Variants in PCDHAC2 observed in about 807,000 individuals in gnomAD.
PCDHAC2 encodes the protein protocadherin alpha subfamily C, 2.
Under a neutral mutation model 63.3 loss-of-function variants are expected in PCDHAC2, and 24 were observed. The ratio of observed to expected loss-of-function variants is 0.38; its 90% CI spans 0.27 to 0.53. The LOEUF (loss-of-function observed/expected upper bound fraction) is 0.53, where lower values mean the gene tolerates loss of function less well. Ranked by LOEUF, PCDHAC2 falls within the 20% of genes least tolerant of loss-of-function variation. The pLI is 0.81. For synonymous variants in PCDHAC2, 569 were observed against 529.4 expected (o/e 1.07, Z -1.03); for missense variants, 1,181 against 1,275.2 (o/e 0.93, Z 1.12).
Position 140,967,774 on chromosome 5 carries a change from G to C in PCDHAC2, c.1008G>C (p.Gln336His), listed in dbSNP as rs1447955993. Reference sequence around the variant, plus strand: ...CCTCCTCCTACCAGATCTATGTGCAGGCGACTGACCGGGGTCCAGTGCCCA... The same window carrying C: ...CCTCCTCCTACCAGATCTATGTGCACGCGACTGACCGGGGTCCAGTGCCCA... Reference protein sequence around the residue: ...EEASSYQIYVQATDRGPVPMA... With the variant: ...EEASSYQIYVHATDRGPVPMA... The change falls in exon 1 of 4, where the codon CAG becomes CAC. Residue 336 changes from glutamine to histidine, a missense_variant. Transcript: ENST00000289269. 3 of 1,614,106 alleles carry C rather than the reference G, an allele frequency of 1.9e-6. No homozygotes were observed. Among genetic ancestry groups the C allele is most frequent in the Non-Finnish European group, 1.7e-6 (2 of 1,180,056 alleles).
Position 140,982,348 on chromosome 5 carries a change from T to C in PCDHAC2, c.2625-127T>C, listed in dbSNP as rs1253085859. 9 of 1,495,962 alleles carry C rather than the reference T, an allele frequency of 6.0e-6. No homozygotes were observed. The Admixed American group carries it at 1.7e-4, about 28-fold the overall frequency. 92.7% of individuals were successfully genotyped at this position (1,495,962 alleles called of 1,614,324 possible). On this transcript the variant is annotated intron_variant, in intron 2 of 3. Transcript: ENST00000289269. Reference sequence around the variant, plus strand: ...ACTGCTCAGCAGTAATTGCTTCAGTTCAAGCATGAGCAGAATGTGTTAGCT... The same window carrying C: ...ACTGCTCAGCAGTAATTGCTTCAGTCCAAGCATGAGCAGAATGTGTTAGCT...
intron 1 of PCDHAC2, 110 bp downstream of exon 1, chr5:140,969,441 G>T (rs1554231808): frequency 1.9e-6 from 3 of 1,543,640 alleles, no homozygotes; most frequent in Non-Finnish European, 2.6e-6. Flanking sequence ...GAGTTATCTG[G>T]TAAACTGAGT....
intron 3 of PCDHAC2, chr5:140,988,966 GGA>G (rs1339632887): frequency 2.0e-5 from 3 of 152,162 alleles, no homozygotes; most frequent in African/African-American, 7.2e-5. Flanking sequence ...GCCCCACGAT[GGA>G]GAGAAGCAGG....
Position 140,966,708 on chromosome 5 carries a change from C to G in PCDHAC2, c.-59C>G, listed in dbSNP as rs1033433543. 7.2e-7 allele frequency: 1 copy of G among 1,384,746 alleles called. No homozygotes were observed. Among genetic ancestry groups the G allele is most frequent in the Non-Finnish European group, 9.3e-7 (1 of 1,075,162 alleles). The allele number at this position is 1,384,746 out of a possible 1,614,324, so 85.8% of individuals were successfully genotyped here. On this transcript the variant is annotated 5_prime_UTR_variant, in exon 1 of 4. Transcript: ENST00000289269. ...GGAGGCGGGGCCCGGGCGTGGGGCACGGCTGGGGAAGCTGCCGCCTCCGGC... is the reference window on the plus strand; with the variant it reads ...GGAGGCGGGGCCCGGGCGTGGGGCAGGGCTGGGGAAGCTGCCGCCTCCGGC...
intron 1 of PCDHAC2, among the ~76,000 whole-genome samples, chr5:140,972,921 C>A (rs2096564401): frequency 6.6e-6 from 1 of 152,090 alleles, no homozygotes; most frequent in Non-Finnish European, 1.5e-5. Context: ...CTTGGCCTCC[C>A]AAAGTGCTGG....
In PCDHAC2 at chr5:141,011,713, T is replaced by G. The variant is rs1198989870; in HGVS notation, c.*1776T>G. 6.5e-6 allele frequency: 1 copy of G among 153,774 alleles called. No individual in the cohort carries two copies. The highest frequency in any genetic ancestry group is 1.5e-5 in the Non-Finnish European group (1 of 68,048). 9.5% of individuals were successfully genotyped at this position (153,774 alleles called of 1,614,324 possible). On this transcript the variant is annotated 3_prime_UTR_variant, in exon 4 of 4. Coordinates refer to ENST00000289269, the MANE Select transcript of PCDHAC2 (RefSeq NM_018899.6). Reference sequence around the variant, plus strand: ...ATTTTGGAATGAATACTGACAATATTCCATGAGGGTGTGCAAGCACAAATT... The same window carrying G: ...ATTTTGGAATGAATACTGACAATATGCCATGAGGGTGTGCAAGCACAAATT...
At chr5:141,004,179 G>A (rs2098156608) in intron 3 of PCDHAC2, among the ~76,000 whole-genome samples, 1 of 152,206 alleles carries the variant, frequency 6.6e-6, no homozygotes, top group Non-Finnish European at 1.5e-5. Flanking sequence ...CAAGTGTCTT[G>A]AGTGCTCTTA....
rs782495760 is a variant in PCDHAC2 at position 141,010,201 on chromosome 5, C to T, written c.*264C>T. Reference sequence around the variant, plus strand: ...GCAGACCCAAGTTTCCTTTCTCCTCCGCCGCAAAGGAGAGGCTTCCCAGCC... The same window carrying T: ...GCAGACCCAAGTTTCCTTTCTCCTCTGCCGCAAAGGAGAGGCTTCCCAGCC... On this transcript the variant is annotated 3_prime_UTR_variant, in exon 4 of 4. Coordinates refer to ENST00000289269, the MANE Select transcript of PCDHAC2 (RefSeq NM_018899.6). The T allele has an allele frequency of 1.3e-5, 20 of 1,552,034 alleles. No individual in the cohort carries two copies. The East Asian group carries it at 1.7e-4, about 13-fold the overall frequency.
At chr5:141,004,434 G>T (rs1383958111) in intron 3 of PCDHAC2, among the ~76,000 whole-genome samples, 2 of 152,186 alleles carry the variant, frequency 1.3e-5, no homozygotes, top group Non-Finnish European at 2.9e-5. Flanking sequence ...TGGAGTTTAG[G>T]CTGAGTCATA....
intron 1 of PCDHAC2, among the ~76,000 whole-genome samples, chr5:140,972,991 T>C (rs142551667): frequency 6.6e-6 from 1 of 152,222 alleles, no homozygotes; most frequent in Non-Finnish European, 1.5e-5. Context: ...GTAGATTCTG[T>C]GCATTTGTGG....
At chr5:140,994,157 G>A (rs958405989) in intron 3 of PCDHAC2, among the ~76,000 whole-genome samples, 1 of 152,198 alleles carries the variant, frequency 6.6e-6, no homozygotes, top group Non-Finnish European at 1.5e-5. Context: ...TAGGGTCAAC[G>A]AAGGGGAAGG....
Position 140,966,622 on chromosome 5 carries a change from G to C in PCDHAC2, c.-145G>C. On this transcript the variant is annotated 5_prime_UTR_variant, in exon 1 of 4. Coordinates refer to ENST00000289269, the MANE Select transcript of PCDHAC2 (RefSeq NM_018899.6). ...GCCCTTGGGAGGGCCTACGGAGGGAGCGGCCCCAGGCGCTTTCTAGAGCGT... is the reference window on the plus strand; with the variant it reads ...GCCCTTGGGAGGGCCTACGGAGGGACCGGCCCCAGGCGCTTTCTAGAGCGT... 1 of 854,486 alleles carries C rather than the reference G, an allele frequency of 1.2e-6. No homozygotes were observed. The highest frequency in any genetic ancestry group is 1.6e-6 in the Non-Finnish European group (1 of 608,418). The allele number at this position is 854,486 out of a possible 1,614,324, so 52.9% of individuals were successfully genotyped here.
intron 3 of PCDHAC2, among the ~76,000 whole-genome samples, chr5:141,006,559 T>C (rs2098278096): frequency 6.6e-6 from 1 of 152,134 alleles, no homozygotes; most frequent in East Asian, 1.9e-4. Flanking sequence ...TAAAGATGAC[T>C]CTGGCTACTG....
intron 3 of PCDHAC2, among the ~76,000 whole-genome samples, chr5:141,005,617 G>C (rs1419951778): frequency 6.7e-6 from 1 of 149,280 alleles, no homozygotes; most frequent in Non-Finnish European, 1.5e-5. Context: ...CAGGAGAATG[G>C]CGTGAACCCG....
In PCDHAC2 at chr5:141,010,341, T is replaced by C. The variant is rs199826290; in HGVS notation, c.*404T>C. ...GAGCAGCTTGGGAGTTTGTGGCCAC[T>C]GGGTATGTGTGGCTACCGCGGGTAT... is the stretch of plus-strand genomic sequence containing the variant. On this transcript the variant is annotated 3_prime_UTR_variant, in exon 4 of 4. Coordinates refer to ENST00000289269, the MANE Select transcript of PCDHAC2 (RefSeq NM_018899.6). 1 of 1,503,238 alleles carries C rather than the reference T, an allele frequency of 6.7e-7. No homozygotes were observed. The highest frequency in any genetic ancestry group is 8.9e-7 in the Non-Finnish European group (1 of 1,119,606). The allele number at this position is 1,503,238 out of a possible 1,614,324, so 93.1% of individuals were successfully genotyped here. A position where few individuals can be genotyped will look rare whatever the true frequency, so the allele number is the denominator to read the frequency against.
Position 140,968,660 on chromosome 5 carries a change from C to T in PCDHAC2, c.1894C>T (p.Leu632Phe). The T allele has an allele frequency of 6.2e-7, 1 of 1,614,166 alleles. No individual in the cohort carries two copies. Among genetic ancestry groups the T allele is most frequent in the Non-Finnish European group, 8.5e-7 (1 of 1,180,040 alleles). Residue 632 changes from leucine (L) to phenylalanine (F), a missense_variant, in exon 1 of 4, where the codon CTC (leucine) becomes TTC (phenylalanine). Around this residue, in one of 3 missense-constraint regions of PCDHAC2, gnomAD observed 968 missense variants for 1,073.5 expected, o/e 0.90. Coordinates refer to ENST00000289269, the MANE Select transcript of PCDHAC2 (RefSeq NM_018899.6). ...YHLAQTSDLD[L>F]FKVELHTGEI... The stretch of plus-strand genomic sequence containing the variant: ...TCTAGCCCAGACTTCTGACCTGGAC[C>T]TCTTTAAGGTAGAGCTGCACACAGG...
At chr5:140,981,630 A>G (rs1299640748) in intron 2 of PCDHAC2, among the ~76,000 whole-genome samples, 1 of 152,110 alleles carries the variant, frequency 6.6e-6, no homozygotes, top group East Asian at 1.9e-4. Flanking sequence ...GTTTTCTTGG[A>G]CATTTTCTCT....
Position 140,966,810 on chromosome 5 carries a change from G to A in PCDHAC2, c.44G>A (p.Arg15Gln), listed in dbSNP as rs1290992432. The A allele has an allele frequency of 3.9e-6, 6 of 1,548,566 alleles. No individual in the cohort carries two copies. Among genetic ancestry groups the A allele is most frequent in the African/African-American group, 1.4e-5 (1 of 73,440 alleles). The change falls in exon 1 of 4, where the codon CGG becomes CAG. Residue 15 changes from arginine (R) to glutamine (Q), a missense_variant. Coordinates refer to ENST00000289269, the MANE Select transcript of PCDHAC2 (RefSeq NM_018899.6). ...GTRPAATEHP[R>Q]LRRPMPWLLL... ...AGACCTGCGGCGACAGAGCATCCAC[G>A]GCTCCGGCGGCCCATGCCCTGGCTG...
intron 3 of PCDHAC2, among the ~76,000 whole-genome samples, chr5:141,002,380 G>T (rs1284047266): frequency 2.0e-5 from 3 of 152,196 alleles, no homozygotes; most frequent in Non-Finnish European, 2.9e-5. Context: ...CTGGCTTAGG[G>T]CTCCTGCTGG....
Sources: allele counts gnomAD v4.1 joint callset (sites outside exome capture counted in the v4.1 genomes callset), GRCh38; gene constraint gnomAD v4.1.1; regional missense constraint gnomAD v4.1.1; transcripts MANE v1.5; gene names NCBI Gene and HGNC (gene_info 2026-07-23, HGNC 2026-07-21).